The following PCDHGB3 variants were observed in gnomAD, a reference collection of about 807,000 sequenced individuals.
PCDHGB3 encodes the protein protocadherin gamma-B3.
Under a neutral mutation model 59.2 loss-of-function variants are expected in PCDHGB3, and 40 were observed. The ratio of observed to expected loss-of-function variants is 0.68; its 90% CI spans 0.52 to 0.88. PCDHGB3 has a LOEUF of 0.88. Among genes scored for constraint, PCDHGB3 ranks in the 40% least tolerant of loss-of-function variants. The pLI is 0.00. For synonymous variants in PCDHGB3, 581 were observed against 503.6 expected, an observed-to-expected ratio of 1.15 and a Z score of -2.06; for missense variants, 1,309 against 1,187.9, an observed-to-expected ratio of 1.10 and a Z score of -1.50.
intron 1 of PCDHGB3, among the ~76,000 whole-genome samples, chr5:141,405,839 G>C (rs2094725144): frequency 6.6e-6 from 1 of 152,134 alleles, no homozygotes; most frequent in African/African-American, 2.4e-5. Context: ...AGTATAAGTT[G>C]ATATCAGTGT....
intron 1 of PCDHGB3, among the ~76,000 whole-genome samples, chr5:141,373,147 T>C (rs1769357441): frequency 6.6e-6 from 1 of 152,270 alleles, no homozygotes; most frequent in African/African-American, 2.4e-5. Flanking sequence ...TTAAGTGGTT[T>C]ACTTAGTTTT....
chr5:141,405,477 T>A, intron 1 of PCDHGB3: 1 of 1,025,232 alleles, frequency 9.8e-7, no homozygotes, highest in Non-Finnish European at 1.4e-6. Context: ...TGGAATGCAG[T>A]GGTGTGATCT....
Position 141,371,128 on chromosome 5 carries a change from A to G in PCDHGB3, c.734A>G (p.Asp245Gly), listed in dbSNP as rs1767509392. Reference sequence around the variant, plus strand: ...GATAACCCCCCAGTATTTACTCAGGACATGTACAGGGTCAATGTTGCAGAG... The same window carrying G: ...GATAACCCCCCAGTATTTACTCAGGGCATGTACAGGGTCAATGTTGCAGAG... ...ANDNPPVFTQ[D>G]MYRVNVAENL... Residue 245 changes from aspartate to glycine, a missense_variant, in exon 1 of 4, where the codon GAC (aspartate) becomes GGC (glycine). By Grantham distance (94) the Asp-to-Gly change is moderately conservative. Transcript: ENST00000576222. 6.2e-7 allele frequency: 1 copy of G among 1,614,008 alleles called. No individual in the cohort carries two copies. Among genetic ancestry groups the G allele is most frequent in the Non-Finnish European group, 8.5e-7 (1 of 1,179,890 alleles).
At position 141,386,158 on chromosome 5, in the gene PCDHGB3, A is replaced by G. The variant is rs530436705; in HGVS notation, c.2415+13349A>G. ...TGGCTTTGTTTCAACTGTCTCACGTACTCAAACCTTAGACCATCTTATGTA... is the reference window on the plus strand; with the variant it reads ...TGGCTTTGTTTCAACTGTCTCACGTGCTCAAACCTTAGACCATCTTATGTA... On this transcript the variant is annotated intron_variant, in intron 1 of 3. Coordinates refer to ENST00000576222, the MANE Select transcript of PCDHGB3 (RefSeq NM_018924.5). Among the ~76,000 whole-genome samples, 24 of 152,284 alleles carry G rather than the reference A, an allele frequency of 1.6e-4. No individual in the cohort carries two copies. In the East Asian group the frequency reaches 4.6e-3, roughly 29 times the overall value.
chr5:141,383,658 G>A, intron 1 of PCDHGB3: 1 of 1,614,036 alleles, frequency 6.2e-7, no homozygotes, highest in Admixed American at 1.7e-5. Context: ...CTGTCCCCGA[G>A]AATGTGCCAG....
intron 2 of PCDHGB3, 54 bp downstream of exon 2, chr5:141,494,919 T>A: frequency 6.2e-7 from 1 of 1,613,926 alleles, no homozygotes; most frequent in South Asian, 1.1e-5. Flanking sequence ...TTCTCAGGGA[T>A]GACGTGGGAG....
Position 141,490,177 on chromosome 5 carries a change from T to C in PCDHGB3, c.2416-4630T>C, listed in dbSNP as rs780298274. 12 of 1,613,622 alleles carry C rather than the reference T, an allele frequency of 7.4e-6. No individual in the cohort carries two copies. The highest frequency in any genetic ancestry group is 1.0e-5 in the Non-Finnish European group (12 of 1,179,932). On this transcript the variant is annotated intron_variant, in intron 1 of 3. Transcript: ENST00000576222. This position sits in a 1 kb window ranked among gnomAD's most constrained non-coding sequence, Gnocchi z 5.4. The stretch of plus-strand genomic sequence containing the variant: ...GTTGGGTCCCATAGACTTTGAGGAG[T>C]CACGTTTCTATGAAATTCATGCAAG...
chr5:141,495,644 A>C (rs767670166), intron 2 of PCDHGB3, among the ~76,000 whole-genome samples: 1 of 151,770 alleles, frequency 6.6e-6, no homozygotes, highest in African/African-American at 2.4e-5. Flanking sequence ...TCATTTGTCT[A>C]CTTGCATTGA....
chr5:141,384,370 T>G (rs769961814), intron 1 of PCDHGB3: 1 of 1,613,926 alleles, frequency 6.2e-7, no homozygotes, highest in South Asian at 1.1e-5. Context: ...CACTTATTCC[T>G]TGGCCGAAGA....
chr5:141,447,136 T>TTTTTTG (rs1304915683), intron 1 of PCDHGB3, among the ~76,000 whole-genome samples: 1 of 152,090 alleles, frequency 6.6e-6, no homozygotes, highest in Non-Finnish European at 1.5e-5. Context: ...TGTTTGTTTG[T>TTTTTTG]TTTTTGTTTT....
intron 1 of PCDHGB3, chr5:141,375,694 C>T (rs2150065576): frequency 1.2e-6 from 2 of 1,614,232 alleles, no homozygotes; most frequent in African/African-American, 2.7e-5. Context: ...CCAGCGACAG[C>T]GGGGACCCGC....
At chr5:141,410,668 T>C in intron 1 of PCDHGB3, 2 of 1,565,640 alleles carry the variant, frequency 1.3e-6, no homozygotes, top group African/African-American at 2.7e-5. Context: ...TCTACTAGTT[T>C]CTCATATTTT....
intron 1 of PCDHGB3, among the ~76,000 whole-genome samples, chr5:141,450,047 C>T (rs2098667027): frequency 2.2e-5 from 3 of 136,836 alleles, no homozygotes; most frequent in African/African-American, 8.5e-5. Flanking sequence ...CACTCTTTCG[C>T]CCAGGCTGGA....
chr5:141,398,890 G>A (rs763743728), intron 1 of PCDHGB3: 1 of 1,613,920 alleles, frequency 6.2e-7, no homozygotes, highest in East Asian at 2.2e-5. Context: ...TCGGGAAAAC[G>A]TGCCACCAGG....
chr5:141,497,104 T>C (rs757158984), intron 2 of PCDHGB3, among the ~76,000 whole-genome samples: 44 of 151,910 alleles, frequency 2.9e-4, no homozygotes, highest in Non-Finnish European at 5.9e-4. Context: ...CAGAACTGCT[T>C]GAACCCGGAA....
intron 1 of PCDHGB3, chr5:141,409,297 T>G (rs762820320): frequency 1.9e-6 from 3 of 1,614,006 alleles, no homozygotes; most frequent in South Asian, 2.2e-5. Context: ...CAGGAATGGT[T>G]GTTGCCCTCT....
At chr5:141,473,470 A>G (rs555568617) in intron 1 of PCDHGB3, among the ~76,000 whole-genome samples, 2 of 151,816 alleles carry the variant, frequency 1.3e-5, no homozygotes, top group South Asian at 4.2e-4. Flanking sequence ...AGTTGTGCCA[A>G]GTTCAATGGA....
chr5:141,394,524 G>T lies in PCDHGB3; in HGVS notation c.2415+21715G>T, dbSNP rs977174958. 13 of 1,614,214 alleles carry T rather than the reference G, an allele frequency of 8.1e-6. No homozygotes were observed. ...CCTGTACCCCGCCCTCCCCACAGAC[G>T]GTTCCACTGGCGTGGAGCTGGCGCC... On this transcript the variant is annotated intron_variant, in intron 1 of 3. Coordinates refer to ENST00000576222, the MANE Select transcript of PCDHGB3 (RefSeq NM_018924.5).
rs367578838 is a variant in PCDHGB3, at chr5:141,432,537, C to A, written c.2415+59728C>A. The A allele has an allele frequency of 5.0e-6, 8 of 1,613,882 alleles. No individual in the cohort carries two copies. Among genetic ancestry groups the A allele is most frequent in the African/African-American group, 1.3e-5 (1 of 74,922 alleles). Reference sequence around the variant, plus strand: ...GGCTACCTGGTGACCAAGGTGGTGGCGGTGGACAGAGACTCCGGCCAGAAC... The same window carrying A: ...GGCTACCTGGTGACCAAGGTGGTGGAGGTGGACAGAGACTCCGGCCAGAAC... On this transcript the variant is annotated intron_variant, in intron 1 of 3. Coordinates refer to ENST00000576222, the MANE Select transcript of PCDHGB3 (RefSeq NM_018924.5). This position sits in a 1 kb window ranked among gnomAD's most constrained non-coding sequence, Gnocchi z 6.0.
Sources: gnomAD v4.1 joint callset for allele counts (sites outside exome capture counted in the v4.1 genomes callset) on GRCh38, gnomAD v4.1.1 for gene constraint, Gnocchi (gnomAD v3.1) non-coding constraint, MANE v1.5 for transcripts, NCBI Gene and HGNC (gene_info 2026-07-23, HGNC 2026-07-21) for gene names.